EIF4E: variants seen among roughly 807,000 people sequenced by gnomAD.
The protein encoded by EIF4E is eIF-4F 25 kDa subunit.
For synonymous variants in EIF4E, 71 were observed against 88.5 expected (o/e 0.80, Z 1.11); for missense variants, 113 against 265.6 (o/e 0.43, Z 3.99).
chr4:98,898,124 A>C (rs182072639), intron 2 of EIF4E, among the ~76,000 whole-genome samples: 1 of 149,528 alleles, frequency 6.7e-6, no homozygotes, highest in African/African-American at 2.6e-5. Context: ...AAGGGGGGGG[A>C]AAAAAGAAAC....
At chr4:98,898,825 G>A in intron 2 of EIF4E, among the ~76,000 whole-genome samples, 1 of 151,952 alleles carries the variant, frequency 6.6e-6, no homozygotes, top group Non-Finnish European at 1.5e-5. Context: ...ATAAAGCTCT[G>A]TAGAGTCACC....
intron 1 of EIF4E, among the ~76,000 whole-genome samples, chr4:98,921,746 T>G (rs1421767864): frequency 6.6e-6 from 1 of 152,228 alleles, no homozygotes; most frequent in Non-Finnish European, 1.5e-5. Flanking sequence ...ACTAAGGTAG[T>G]TAAGTCTAGA....
At chr4:98,884,631 G>A (rs1723838425) in intron 6 of EIF4E, among the ~76,000 whole-genome samples, 1 of 152,092 alleles carries the variant, frequency 6.6e-6, no homozygotes, top group South Asian at 2.1e-4. Context: ...CTGAACCCGG[G>A]AGGCGGAGGT....
chr4:98,896,025 G>A lies in EIF4E; in HGVS notation c.126-4693C>T, dbSNP rs187471413. Among the ~76,000 whole-genome samples, 23 of 150,354 alleles carry A rather than the reference G, an allele frequency of 1.5e-4. No individual in the cohort carries two copies. In the East Asian group the frequency reaches 4.1e-3, roughly 27 times the overall value. The stretch of plus-strand genomic sequence containing the variant: ...ATCCTGGCCAACACGGTGAAACCCC[G>A]TCTCTACTAAAAATACAAAAATTGG... On this transcript the variant is annotated intron_variant, in intron 2 of 6. Transcript: ENST00000450253.
In EIF4E at chr4:98,887,281, T is replaced by C; in HGVS notation, c.286-89A>G. On this transcript the variant is annotated intron_variant, in intron 4 of 6. Transcript: ENST00000450253. The surrounding 1 kb of genome is among the most constrained non-coding windows in gnomAD (Gnocchi z 4.0). ...TAGAAACAGTTAAGCAACAACACTG[T>C]CAACTTCTTACTTTATTGCCCATAA... 7.5e-7 allele frequency: 1 copy of C among 1,325,192 alleles called. No individual in the cohort carries two copies. Among genetic ancestry groups the C allele is most frequent in the African/African-American group, 1.4e-5 (1 of 69,336 alleles). The allele number at this position is 1,325,192 out of a possible 1,614,324, so 82.1% of individuals were successfully genotyped here. A position where few individuals can be genotyped will look rare whatever the true frequency, so the allele number is the denominator to read the frequency against.
At chr4:98,882,309 G>A (rs1302828903) in intron 6 of EIF4E, among the ~76,000 whole-genome samples, 4 of 150,716 alleles carry the variant, frequency 2.7e-5, no homozygotes, top group African/African-American at 2.4e-5. Flanking sequence ...GGAGAATGGC[G>A]TGAACCTGGG....
chr4:98,891,858 T>G (rs1156713483), intron 2 of EIF4E, among the ~76,000 whole-genome samples: 2 of 152,178 alleles, frequency 1.3e-5, no homozygotes, highest in Non-Finnish European at 2.9e-5. Context: ...CAGTGGCAAA[T>G]AATGAGAGTT....
Position 98,902,054 on chromosome 4 carries a change from C to G in EIF4E, c.19-72G>C, listed in dbSNP as rs1724675052. 2.9e-5 allele frequency: 41 copies of G among 1,412,664 alleles called. No individual in the cohort carries two copies. In the South Asian group the frequency reaches 4.6e-4, roughly 16 times the overall value. 87.5% of individuals were successfully genotyped at this position (1,412,664 alleles called of 1,614,324 possible). ...CTATGACAGCAATATTCTAACTAAA[C>G]CTGAACTGATATGCTGATAATTTTT... On this transcript the variant is annotated intron_variant, in intron 1 of 6. Coordinates refer to ENST00000450253, the MANE Select transcript of EIF4E (RefSeq NM_001968.5).
chr4:98,884,577 G>A (rs1464641627), intron 6 of EIF4E, among the ~76,000 whole-genome samples: 1 of 151,944 alleles, frequency 6.6e-6, no homozygotes, highest in Non-Finnish European at 1.5e-5. Context: ...GGTGGCATGC[G>A]CCTGTATTCC....
chr4:98,891,511 CA>C (rs935048797), intron 2 of EIF4E, 179 bp from the exon 3 acceptor site: 2 of 621,480 alleles, frequency 3.2e-6, no homozygotes, highest in African/African-American at 3.7e-5. Context: ...TCTAACACTT[CA>C]TAAAACATGA....
At chr4:98,914,065 A>G (rs1173420359) in intron 1 of EIF4E, among the ~76,000 whole-genome samples, 1 of 135,536 alleles carries the variant, frequency 7.4e-6, no homozygotes, top group African/African-American at 3.0e-5. Flanking sequence ...ATGAGCACTT[A>G]AAAAAAAAAA....
chr4:98,897,021 G>A (rs1251759775), intron 2 of EIF4E, among the ~76,000 whole-genome samples: 1 of 152,160 alleles, frequency 6.6e-6, no homozygotes. Context: ...TTATCAACAA[G>A]GAATTATTTA....
At chr4:98,923,178 T>C in intron 1 of EIF4E, among the ~76,000 whole-genome samples, 1 of 150,858 alleles carries the variant, frequency 6.6e-6, no homozygotes. Context: ...TATGGAATAA[T>C]GTATCAAAAG....
chr4:98,891,113 TAAAA>T, intron 3 of EIF4E, 120 bp downstream of exon 3: 2 of 1,072,908 alleles, frequency 1.9e-6, no homozygotes, highest in South Asian at 2.9e-5. Flanking sequence ...TGTGAGGAGA[TAAAA>T]AAATAGATGA....
intron 1 of EIF4E, among the ~76,000 whole-genome samples, chr4:98,915,905 T>G (rs1426309772): frequency 6.6e-6 from 1 of 151,638 alleles, no homozygotes; most frequent in African/African-American, 2.4e-5. Flanking sequence ...TGCTCTTCCT[T>G]CTTAAAACTT....
intron 1 of EIF4E, among the ~76,000 whole-genome samples, chr4:98,922,850 CTTT>C (rs112293850): frequency 3.7e-5 from 5 of 136,686 alleles, no homozygotes; most frequent in Non-Finnish European, 4.7e-5. Context: ...TTTCTTTTTT[CTTT>C]TTTTTTTTTT....
chr4:98,893,682 A>AG (rs1220005569), intron 2 of EIF4E, among the ~76,000 whole-genome samples: 1 of 152,228 alleles, frequency 6.6e-6, no homozygotes, highest in Non-Finnish European at 1.5e-5. Context: ...GCACATCTGC[A>AG]GTTACTTCTT....
At chr4:98,924,359 G>A (rs1451048166) in intron 1 of EIF4E, among the ~76,000 whole-genome samples, 1 of 152,024 alleles carries the variant, frequency 6.6e-6, no homozygotes, top group African/African-American at 2.4e-5. Context: ...TTACAGGCAT[G>A]AGCCACCGCA....
At chr4:98,911,874 C>G (rs1470249644) in intron 1 of EIF4E, among the ~76,000 whole-genome samples, 4 of 150,144 alleles carry the variant, frequency 2.7e-5, no homozygotes, top group Non-Finnish European at 5.9e-5. Flanking sequence ...GATGTGTGAT[C>G]TAGGATGACA....
Sources: gnomAD v4.1 joint callset for allele counts (sites outside exome capture counted in the v4.1 genomes callset) on GRCh38, gnomAD v4.1.1 for gene constraint, Gnocchi (gnomAD v3.1) non-coding constraint, MANE v1.5 for transcripts, NCBI Gene and HGNC (gene_info 2026-07-23, HGNC 2026-07-21) for gene names.